Variants in PPIL6 observed in about 807,000 individuals in gnomAD.
The protein encoded by PPIL6 is probable inactive peptidyl-prolyl cis-trans isomerase-like 6.
Under a neutral mutation model 36.8 loss-of-function variants are expected in PPIL6, and 39 were observed. The ratio of observed to expected loss-of-function variants is 1.06; its 90% CI spans 0.82 to 1.38. The LOEUF (loss-of-function observed/expected upper bound fraction) is 1.38. Ranked by LOEUF, PPIL6 falls within the 40% of genes most tolerant of loss-of-function variation. PPIL6 has a pLI of 0.00. For synonymous variants in PPIL6, 123 were observed against 134.1 expected (o/e 0.92, Z 0.57); for missense variants, 368 against 379.1 (o/e 0.97, Z 0.24).
intron 6 of PPIL6, among the ~76,000 whole-genome samples, chr6:109,404,308 G>A (rs1772688900): frequency 6.6e-6 from 1 of 152,204 alleles, no homozygotes. Flanking sequence ...AAGCATTTGG[G>A]TGCTCTGATA....
chr6:109,392,542 A>C lies in PPIL6; in HGVS notation c.*284T>G. On this transcript the variant is annotated 3_prime_UTR_variant, in exon 8 of 8. Coordinates refer to ENST00000521072, the MANE Select transcript of PPIL6 (RefSeq NM_173672.5). ...CACATTCCAGACTGGATGAAGGGGA[A>C]GGGGCAGGACCACTGGCGTTCTATT... The C allele has an allele frequency of 7.3e-6, 2 of 274,018 alleles. No individual in the cohort carries two copies. The highest frequency in any genetic ancestry group is 1.4e-5 in the Non-Finnish European group (2 of 147,204). 17.0% of individuals were successfully genotyped at this position (274,018 alleles called of 1,614,324 possible).
At position 109,426,889 on chromosome 6, in the gene PPIL6, T is replaced by C; in HGVS notation, c.589A>G (p.Ile197Val). 6.2e-7 allele frequency: 1 copy of C among 1,601,270 alleles called. No homozygotes were observed. Among genetic ancestry groups the C allele is most frequent in the Non-Finnish European group, 8.5e-7 (1 of 1,170,166 alleles). Reference sequence around the variant, plus strand: ...CCATTCTGTACTATTCGATGAAAAATGGAATTTTTGTAATGTAGTCTTATG... The same window carrying C: ...CCATTCTGTACTATTCGATGAAAAACGGAATTTTTGTAATGTAGTCTTATG... ...RGIRLHYKNS[I>V]FHRIVQNGWI... The change falls in exon 5 of 8, where the codon ATT becomes GTT. Residue 197 changes from isoleucine to valine, a missense_variant. Transcript: ENST00000521072.
At chr6:109,397,930 T>C (rs1341011842) in intron 7 of PPIL6, among the ~76,000 whole-genome samples, 4 of 151,970 alleles carry the variant, frequency 2.6e-5, no homozygotes, top group Non-Finnish European at 5.9e-5. Context: ...TCTCACCCTG[T>C]CGTCAGACTG....
At chr6:109,440,706 C>T (rs936782587), upstream of PPIL6, 1 of 668,920 alleles carries the variant, frequency 1.5e-6, no homozygotes, top group East Asian at 9.4e-5. Flanking sequence ...GAGGGCGGCC[C>T]GTGGCGGCTG....
At chr6:109,403,162 A>C in intron 6 of PPIL6, 1 of 1,293,950 alleles carries the variant, frequency 7.7e-7, no homozygotes, top group Non-Finnish European at 1.0e-6. Context: ...TTTTTTAGAG[A>C]AGGCATCTTG....
At position 109,440,546 on chromosome 6, in the gene PPIL6, GCCGCACCTAGCGTGCGGGGGC is replaced by G; in HGVS notation, c.24_44del (p.Pro9_Gly15del). 6.7e-7 allele frequency: 1 copy of G among 1,487,530 alleles called. No individual in the cohort carries two copies. Among genetic ancestry groups the G allele is most frequent in the African/African-American group, 1.5e-5 (1 of 67,674 alleles). The allele number at this position is 1,487,530 out of a possible 1,614,324, so 92.1% of individuals were successfully genotyped here. Reference sequence around the variant, plus strand: ...GCGGCCGCTCCGGCAGCGACGGCGAGCCGCACCTAGCGTGCGGGGGCCCGCACGGCTGCGGCCTTGCCATGG... The same window carrying G: ...GCGGCCGCTCCGGCAGCGACGGCGAGCCGCACGGCTGCGGCCTTGCCATGG... On this transcript the variant is annotated inframe_deletion, in exon 1 of 8. Transcript: ENST00000521072.
chr6:109,405,916 C>T (rs1273404264), intron 6 of PPIL6, among the ~76,000 whole-genome samples: 2 of 152,140 alleles, frequency 1.3e-5, no homozygotes, highest in African/African-American at 2.4e-5. Flanking sequence ...AACTGTATTG[C>T]TGGGTTTTTT....
intron 6 of PPIL6, among the ~76,000 whole-genome samples, chr6:109,403,859 C>G (rs1017100574): frequency 3.3e-5 from 5 of 152,078 alleles, no homozygotes; most frequent in African/African-American, 1.2e-4. Flanking sequence ...GAAGTAGGAA[C>G]CCATGAGAGA....
In PPIL6 at chr6:109,431,327, A is replaced by G; in HGVS notation, c.250T>C (p.Trp84Arg). Residue 84 changes from tryptophan to arginine, a missense_variant, in exon 3 of 8, where the codon TGG (tryptophan) becomes CGG (arginine). By Grantham distance (101) the Trp-to-Arg change is moderately radical. Transcript: ENST00000521072. Reference protein sequence around the residue: ...EKKRELKNETWEYSSSVISFV... With the variant: ...EKKRELKNETREYSSSVISFV... ...GAAATCACAGAGGAAGAATATTCCC[A>G]GGTTTCATTTTTGAGTTCCTGTAAG... The G allele has an allele frequency of 6.4e-7, 1 of 1,556,336 alleles. No individual in the cohort carries two copies. Among genetic ancestry groups the G allele is most frequent in the Non-Finnish European group, 8.7e-7 (1 of 1,145,502 alleles).
chr6:109,402,941 G>T, intron 6 of PPIL6: 2 of 796,864 alleles, frequency 2.5e-6, no homozygotes, highest in South Asian at 1.9e-5. Flanking sequence ...AACTAGCTTT[G>T]CAGACATAAA....
At chr6:109,399,146 C>T (rs1173221704) in intron 7 of PPIL6, among the ~76,000 whole-genome samples, 1 of 151,948 alleles carries the variant, frequency 6.6e-6, no homozygotes, top group African/African-American at 2.4e-5. Flanking sequence ...CTTGCTCTGT[C>T]GCCCAGGATG....
intron 1 of PPIL6, among the ~76,000 whole-genome samples, chr6:109,437,624 A>G (rs1177440465): frequency 7.3e-6 from 1 of 136,806 alleles, no homozygotes; most frequent in African/African-American, 2.7e-5. Context: ...GTGTGACCTC[A>G]GCTCACTGCA....
rs371321942 is a variant in PPIL6, at chr6:109,440,496, A to T, written c.95T>A (p.Phe32Tyr). ...CGCAATCTGAAAGTTGGGGCAGCTG[A>T]AGAGCCCCACCACCTTCACCTGCAG... ...RPLQVKVVGL[F>Y]SCPNFQIAKS... The change falls in exon 1 of 8, where the codon TTC becomes TAC. Residue 32 changes from phenylalanine to tyrosine, a missense_variant. By Grantham distance (22) the Phe-to-Tyr change is conservative. Transcript: ENST00000521072. 1.5e-4 allele frequency: 232 copies of T among 1,538,916 alleles called. No individual in the cohort carries two copies. Among genetic ancestry groups the T allele is most frequent in the Admixed American group, 3.4e-4 (17 of 50,274 alleles).
chr6:109,410,447 T>C (rs958538237), intron 6 of PPIL6, among the ~76,000 whole-genome samples: 2 of 152,124 alleles, frequency 1.3e-5, no homozygotes, highest in African/African-American at 4.8e-5. Flanking sequence ...GTCATGAACA[T>C]TCCCAGGATA....
At chr6:109,419,342 A>G (rs1773425265) in intron 5 of PPIL6, 99 bp from the exon 6 acceptor site, 3 of 766,986 alleles carry the variant, frequency 3.9e-6, no homozygotes, top group Non-Finnish European at 6.8e-6. Flanking sequence ...GATGATTTCA[A>G]GGCTGAGGTG....
At chr6:109,440,165 T>A in intron 1 of PPIL6, 2 of 494,622 alleles carry the variant, frequency 4.0e-6, no homozygotes, top group Middle Eastern at 3.0e-4. Flanking sequence ...TGTGTGTGTG[T>A]CTCGGAGGGG....
intron 1 of PPIL6, among the ~76,000 whole-genome samples, chr6:109,439,594 C>G (rs1203605529): frequency 6.6e-6 from 1 of 152,192 alleles, no homozygotes; most frequent in Non-Finnish European, 1.5e-5. Context: ...GCCTCTGCCT[C>G]CCAAAGTGCT....
At chr6:109,408,399 TCATGGTA>T (rs1170752196) in intron 6 of PPIL6, among the ~76,000 whole-genome samples, 2 of 152,182 alleles carry the variant, frequency 1.3e-5, no homozygotes, top group Non-Finnish European at 2.9e-5. Flanking sequence ...ATTGTCAGGT[TCATGGTA>T]TGCATTTTCA....
rs756173513 is a variant in PPIL6, at chr6:109,392,955, A to T, written c.825-18T>A. ...TCAGTTGCCTACATAGGAGAAAAAA[A>T]TGGAAAATTTAGTCAGTCATAAGTT... On this transcript the variant is annotated intron_variant, in intron 7 of 7. Coordinates refer to ENST00000521072, the MANE Select transcript of PPIL6 (RefSeq NM_173672.5). 41 of 1,493,868 alleles carry T rather than the reference A, an allele frequency of 2.7e-5. No homozygotes were observed. The African/African-American group carries it at 5.7e-4, about 21-fold the overall frequency. 92.5% of individuals were successfully genotyped at this position (1,493,868 alleles called of 1,614,324 possible). A position where few individuals can be genotyped will look rare whatever the true frequency, so the allele number is the denominator to read the frequency against.
Sources: allele counts gnomAD v4.1 joint callset (sites outside exome capture counted in the v4.1 genomes callset), GRCh38; gene constraint gnomAD v4.1.1; transcripts MANE v1.5; gene names NCBI Gene and HGNC (gene_info 2026-07-23, HGNC 2026-07-21).